SAE1: variants seen among roughly 807,000 people sequenced by gnomAD.
The protein encoded by SAE1 is SUMO-activating enzyme subunit 1.
Under a neutral mutation model 40.6 loss-of-function variants are expected in SAE1, and 11 were observed. The ratio of observed to expected loss-of-function variants is 0.27; its 90% CI spans 0.17 to 0.45. The LOEUF is 0.45. SAE1 is among the 20% of genes least tolerant of loss of function. The pLI is 1.00. For synonymous variants in SAE1, 155 were observed against 154.3 expected (o/e 1.00, Z -0.03); for missense variants, 373 against 427.3 (o/e 0.87, Z 1.12).
intron 6 of SAE1, among the ~76,000 whole-genome samples, chr19:47,173,462 G>A (rs913956937): frequency 6.6e-6 from 1 of 152,054 alleles, no homozygotes; most frequent in Non-Finnish European, 1.5e-5. Flanking sequence ...TATCAGTTTT[G>A]TCCCCTCAGT....
intron 2 of SAE1, among the ~76,000 whole-genome samples, chr19:47,145,049 C>T (rs749727248): frequency 6.6e-5 from 10 of 151,756 alleles, no homozygotes; most frequent in Non-Finnish European, 1.0e-4. Flanking sequence ...GTTGCCCAGG[C>T]TGGAGTGCAA....
intron 6 of SAE1, among the ~76,000 whole-genome samples, chr19:47,178,979 G>A (rs968450600): frequency 1.3e-5 from 2 of 151,166 alleles, no homozygotes; most frequent in East Asian, 3.9e-4. Flanking sequence ...GGCTCACAGG[G>A]TCAGGAGATC....
At chr19:47,193,555 C>A (rs2058593153) in intron 6 of SAE1, among the ~76,000 whole-genome samples, 2 of 150,656 alleles carry the variant, frequency 1.3e-5, no homozygotes, top group Admixed American at 6.6e-5. Context: ...GGTGCTGTGG[C>A]TCACGCCTGT....
At chr19:47,166,734 A>T (rs915686431) in intron 5 of SAE1, among the ~76,000 whole-genome samples, 3 of 152,210 alleles carry the variant, frequency 2.0e-5, no homozygotes, top group South Asian at 4.1e-4. Context: ...AAATGACTTG[A>T]TGTGTATTTT....
chr19:47,144,687 A>G (rs1483065297), intron 2 of SAE1, among the ~76,000 whole-genome samples: 1 of 152,142 alleles, frequency 6.6e-6, no homozygotes, highest in Non-Finnish European at 1.5e-5. Flanking sequence ...CAACAGAGTG[A>G]GACTCCGTTT....
chr19:47,195,185 AGT>A (rs544263285), intron 6 of SAE1, among the ~76,000 whole-genome samples: 137 of 148,600 alleles, frequency 9.2e-4, no homozygotes, highest in Non-Finnish European at 1.8e-3. Flanking sequence ...CTCCTGACTA[AGT>A]GGGACTACAG....
chr19:47,202,110 C>T lies in SAE1; in HGVS notation c.879-1561C>T, dbSNP rs1400121038. On this transcript the variant is annotated intron_variant, in intron 7 of 8. Coordinates refer to ENST00000270225, the MANE Select transcript of SAE1 (RefSeq NM_005500.3). Reference sequence around the variant, plus strand: ...ACAGCCTTTTGGGAGGGCATTTTGGCAATACATATGAAAAACTAGCATTGC... The same window carrying T: ...ACAGCCTTTTGGGAGGGCATTTTGGTAATACATATGAAAAACTAGCATTGC... 2.0e-5 allele frequency among the ~76,000 whole-genome samples: 3 copies of T among 152,064 alleles called. No individual in the cohort carries two copies. In the East Asian group the frequency reaches 5.8e-4, roughly 29 times the overall value.
At chr19:47,177,053 T>A (rs1238652315) in intron 6 of SAE1, among the ~76,000 whole-genome samples, 1 of 152,198 alleles carries the variant, frequency 6.6e-6, no homozygotes, top group Admixed American at 6.5e-5. Context: ...GGACTTCATC[T>A]CAAGATGAGA....
intron 6 of SAE1, among the ~76,000 whole-genome samples, chr19:47,194,108 GTCC>G (rs777842304): frequency 6.6e-6 from 1 of 152,084 alleles, no homozygotes; most frequent in African/African-American, 2.4e-5. Flanking sequence ...CTAAAACTGT[GTCC>G]TCCTCAGTTG....
chr19:47,209,350 G>A lies in SAE1; in HGVS notation c.*99G>A. 1 of 1,595,458 alleles carries A rather than the reference G, an allele frequency of 6.3e-7. No homozygotes were observed. ...AAGGCATCTCCAGGCAAGGAAAACT[G>A]AAGTCATTGGCCCGATACAAAACAT... On this transcript the variant is annotated 3_prime_UTR_variant, in exon 9 of 9. Coordinates refer to ENST00000270225, the MANE Select transcript of SAE1 (RefSeq NM_005500.3).
chr19:47,166,486 C>A (rs938750777), intron 5 of SAE1, among the ~76,000 whole-genome samples: 5 of 152,150 alleles, frequency 3.3e-5, no homozygotes, highest in African/African-American at 1.2e-4. Flanking sequence ...CATTCATACT[C>A]TTGCCCCAGG....
Position 47,182,496 on chromosome 19 carries a change from T to TGTGTGTGC in SAE1, c.733+12574_733+12575insTGTGTGCG, listed in dbSNP as rs143321323. Among the ~76,000 whole-genome samples the TGTGTGTGC allele has an allele frequency of 6.3e-3, 921 of 146,006 alleles. 8 individuals carry two copies. The highest frequency in any genetic ancestry group is 0.01 in the Middle Eastern group (3 of 288). On this transcript the variant is annotated intron_variant, in intron 6 of 8. Transcript: ENST00000270225. ...GTGTGTGTGTGTGTGTGTGTGTGTG[T>TGTGTGTGC]GCGCGCACGCACGCGCGCGCGCACA...
intron 1 of SAE1, among the ~76,000 whole-genome samples, chr19:47,136,260 T>G (rs2058179179): frequency 6.6e-6 from 1 of 151,800 alleles, no homozygotes; most frequent in Non-Finnish European, 1.5e-5. Flanking sequence ...TGCCTAAGCC[T>G]CCCAAGTAGC....
intron 7 of SAE1, among the ~76,000 whole-genome samples, chr19:47,199,125 G>A (rs989944665): frequency 3.8e-4 from 57 of 151,262 alleles, no homozygotes; most frequent in African/African-American, 1.3e-3. Flanking sequence ...GGTGGCTCAC[G>A]CCTGTAATCC....
At position 47,141,692 on chromosome 19, in the gene SAE1, C is replaced by T. The variant is rs573855042; in HGVS notation, c.99-1802C>T. Among the ~76,000 whole-genome samples the T allele has an allele frequency of 4.9e-4, 74 of 151,920 alleles. 1 individual carries two copies. The highest frequency in any genetic ancestry group is 2.7e-3 in the South Asian group (13 of 4,788). ...TGAGAGGAAGAAATGGTGCATTTTGCGAGGGTGGAATGTTGTGATTAAATT... is the reference window on the plus strand; with the variant it reads ...TGAGAGGAAGAAATGGTGCATTTTGTGAGGGTGGAATGTTGTGATTAAATT... On this transcript the variant is annotated intron_variant, in intron 1 of 8. Coordinates refer to ENST00000270225, the MANE Select transcript of SAE1 (RefSeq NM_005500.3).
At chr19:47,194,593 A>C (rs745875805) in intron 6 of SAE1, among the ~76,000 whole-genome samples, 6 of 152,114 alleles carry the variant, frequency 3.9e-5, no homozygotes, top group Non-Finnish European at 7.4e-5. Flanking sequence ...GTGATGTGGG[A>C]GAAAGAGTAT....
intron 6 of SAE1, among the ~76,000 whole-genome samples, chr19:47,193,841 GAAAGAAAAGAA>G (rs763423630): frequency 1.3e-3 from 183 of 141,234 alleles, no homozygotes; most frequent in Non-Finnish European, 2.1e-3. Context: ...AAAAAAAAAA[GAAAGAAAAGAA>G]AAAGAAAAAG....
At position 47,157,241 on chromosome 19, in the gene SAE1, TA is replaced by T. The variant is rs1311631918; in HGVS notation, c.627+2029del. 4.6e-5 allele frequency among the ~76,000 whole-genome samples: 7 copies of T among 152,320 alleles called. No homozygotes were observed. The East Asian group carries it at 1.3e-3, about 29-fold the overall frequency. The stretch of plus-strand genomic sequence containing the variant: ...TAGTGTCTATTCACAGAACCATAAT[TA>T]TCCAGAGTGAACCTTGGTGTTTTGG... On this transcript the variant is annotated intron_variant, in intron 5 of 8. Transcript: ENST00000270225.
At chr19:47,193,578 T>C (rs984680676) in intron 6 of SAE1, among the ~76,000 whole-genome samples, 1 of 151,528 alleles carries the variant, frequency 6.6e-6, no homozygotes, top group Non-Finnish European at 1.5e-5. Context: ...TTCCAGCACT[T>C]TGGGGGGCCA....
Sources: allele counts gnomAD v4.1 joint callset (sites outside exome capture counted in the v4.1 genomes callset), GRCh38; gene constraint gnomAD v4.1.1; transcripts MANE v1.5; gene names NCBI Gene and HGNC (gene_info 2026-07-23, HGNC 2026-07-21).